The following PUS7 variants were observed in gnomAD, a reference collection of about 807,000 sequenced individuals.
The protein encoded by PUS7 is pseudouridylate synthase 7 homolog.
Under a neutral mutation model 79.8 loss-of-function variants are expected in PUS7, and 48 were observed. The observed-to-expected ratio is 0.60, with a 90% CI of 0.48 to 0.76. The LOEUF (loss-of-function observed/expected upper bound fraction) is 0.76. Among genes scored for constraint, PUS7 ranks in the 30% least tolerant of loss-of-function variants. PUS7 has a pLI of 0.00. For synonymous variants in PUS7, 286 were observed against 272.2 expected, an observed-to-expected ratio of 1.05 and a Z score of -0.50; for missense variants, 729 against 797.6, an observed-to-expected ratio of 0.91 and a Z score of 1.04.
chr7:105,517,110 A>G (rs2133296811), intron 1 of PUS7, among the ~76,000 whole-genome samples: 1 of 152,136 alleles, frequency 6.6e-6, no homozygotes, highest in East Asian at 1.9e-4. Context: ...ATGTTAAACC[A>G]GGAAGAGAAT....
rs1562813319 is a variant in PUS7 at position 105,501,972 on chromosome 7, AT to A, written c.730+447del. On this transcript the variant is annotated intron_variant, in intron 5 of 15. Transcript: ENST00000469408. ...TCCGTCTCAAAAAAAAAAAAAAAAT[AT>A]ATATATATATATATATATAGGGGCC... Among the ~76,000 whole-genome samples, 135 of 56,834 alleles carry A rather than the reference AT, an allele frequency of 2.4e-3. 1 individual carries two copies. The highest frequency in any genetic ancestry group is 0.011 in the Middle Eastern group (1 of 88). The allele number at this position is 56,834 out of a possible 152,430, so 37.3% of individuals were successfully genotyped here. A position where few individuals can be genotyped will look rare whatever the true frequency, so the allele number is the denominator to read the frequency against.
chr7:105,459,784 C>T (rs1283677131), intron 14 of PUS7, among the ~76,000 whole-genome samples: 1 of 151,992 alleles, frequency 6.6e-6, no homozygotes, highest in Admixed American at 6.6e-5. Context: ...TAAAAATGCA[C>T]AACTGGGGCC....
intron 7 of PUS7, among the ~76,000 whole-genome samples, chr7:105,488,788 T>C (rs1562803375): frequency 6.6e-6 from 1 of 152,110 alleles, no homozygotes; most frequent in East Asian, 1.9e-4. Flanking sequence ...ATGTTGTGAA[T>C]AAGGTGATCT....
At position 105,462,441 on chromosome 7, in the gene PUS7, C is replaced by CAA. The variant is rs201693364; in HGVS notation, c.1757+178_1757+179dup. The CAA allele has an allele frequency of 8.8e-3, 5,047 of 574,152 alleles. 79 individuals are homozygous for CAA. The East Asian group carries it at 0.11, about 12-fold the overall frequency. The allele number at this position is 574,152 out of a possible 1,614,324, so 35.6% of individuals were successfully genotyped here. A position where few individuals can be genotyped will look rare whatever the true frequency, so the allele number is the denominator to read the frequency against. Reference sequence around the variant, plus strand: ...GTGAAACTCCGTCTCAAAAAAAAACCAAAAAAAAAACAAAAGGTAAGTAAA... The same window carrying CAA: ...GTGAAACTCCGTCTCAAAAAAAAACCAAAAAAAAAAAACAAAAGGTAAGTAAA... On this transcript the variant is annotated intron_variant, in intron 14 of 15. Transcript: ENST00000469408.
intron 9 of PUS7, among the ~76,000 whole-genome samples, chr7:105,478,588 T>C (rs1187405532): frequency 6.6e-6 from 1 of 152,228 alleles, no homozygotes; most frequent in Non-Finnish European, 1.5e-5. Context: ...TGTGTGCTTA[T>C]TGGCCATTTG....
chr7:105,517,650 C>CA (rs1240638354), intron 1 of PUS7, among the ~76,000 whole-genome samples: 1 of 152,064 alleles, frequency 6.6e-6, no homozygotes, highest in Non-Finnish European at 1.5e-5. Flanking sequence ...CATGTAGTCC[C>CA]AGCTAACAGG....
chr7:105,499,484 T>C (rs890608958), intron 5 of PUS7, among the ~76,000 whole-genome samples: 22 of 152,174 alleles, frequency 1.4e-4, no homozygotes, highest in African/African-American at 5.3e-4. Flanking sequence ...CTTAGAAGCA[T>C]TTGGAATGTA....
intron 5 of PUS7, among the ~76,000 whole-genome samples, chr7:105,499,451 C>A (rs1373355739): frequency 6.6e-6 from 1 of 152,030 alleles, no homozygotes; most frequent in Non-Finnish European, 1.5e-5. Context: ...CTTTTTTTTA[C>A]ATAAGTCTTT....
chr7:105,487,151 G>T (rs1824584911), intron 7 of PUS7, among the ~76,000 whole-genome samples: 1 of 152,066 alleles, frequency 6.6e-6, no homozygotes, highest in South Asian at 2.1e-4. Context: ...GTGATTTTTA[G>T]TATATTCACA....
chr7:105,462,499 C>A, intron 14 of PUS7, 122 bp downstream of exon 14: 2 of 1,032,006 alleles, frequency 1.9e-6, no homozygotes, highest in Non-Finnish European at 2.8e-6. Context: ...ATACCACCAT[C>A]ATATAAGCAA....
chr7:105,496,220 T>TAGAGAG (rs1350234352), intron 5 of PUS7, among the ~76,000 whole-genome samples: 1,227 of 83,088 alleles, frequency 0.015, 10 homozygotes, highest in South Asian at 0.022. Context: ...TATATATATA[T>TAGAGAG]ATATATAGAG....
At chr7:105,493,782 G>C (rs1287290565) in intron 6 of PUS7, among the ~76,000 whole-genome samples, 2 of 152,178 alleles carry the variant, frequency 1.3e-5, no homozygotes, top group African/African-American at 2.4e-5. Context: ...GCGAGCCAAG[G>C]AGAGAGGCTT....
intron 9 of PUS7, among the ~76,000 whole-genome samples, chr7:105,475,540 T>C (rs113722205): frequency 2.0e-5 from 3 of 151,954 alleles, no homozygotes; most frequent in Non-Finnish European, 4.4e-5. Flanking sequence ...GCTAGGATGG[T>C]CTCGATCTCC....
Position 105,495,147 on chromosome 7 carries a change from G to C in PUS7, c.837C>G (p.Tyr279Ter). The C allele has an allele frequency of 6.4e-7, 1 of 1,567,040 alleles. No homozygotes were observed. Among genetic ancestry groups the C allele is most frequent in the Non-Finnish European group, 8.8e-7 (1 of 1,140,602 alleles). ...TMDAINVLSK[Y>*]LRVKPNIFSY... Reference sequence around the variant, plus strand: ...GCATAACAACAGTAACTCACCTTAAGTATTTGGAGAGTACATTAATAGCAT... The same window carrying C: ...GCATAACAACAGTAACTCACCTTAACTATTTGGAGAGTACATTAATAGCAT... Residue 279 changes from tyrosine to a stop codon, truncating the protein, a stop_gained, in exon 6 of 16, where the codon TAC becomes TAG. Transcript: ENST00000469408. LOFTEE classifies it high-confidence loss of function.
At chr7:105,477,408 C>G (rs1227686397) in intron 9 of PUS7, among the ~76,000 whole-genome samples, 1 of 151,988 alleles carries the variant, frequency 6.6e-6, no homozygotes, top group Non-Finnish European at 1.5e-5. Context: ...TGCCACCACA[C>G]TCAGATAATT....
intron 11 of PUS7, among the ~76,000 whole-genome samples, chr7:105,470,076 CGG>C (rs1823812242): frequency 6.6e-6 from 1 of 152,182 alleles, no homozygotes; most frequent in Non-Finnish European, 1.5e-5. Flanking sequence ...CATAATTCCA[CGG>C]TTAAAGAGAG....
intron 1 of PUS7, among the ~76,000 whole-genome samples, chr7:105,517,574 C>G (rs371588561): frequency 2.6e-5 from 4 of 152,060 alleles, no homozygotes; most frequent in Non-Finnish European, 5.9e-5. Context: ...ATTTTAAAAC[C>G]CTTTTCATTA....
intron 1 of PUS7, among the ~76,000 whole-genome samples, chr7:105,516,708 C>A (rs1825908896): frequency 7.6e-6 from 1 of 132,262 alleles, no homozygotes; most frequent in African/African-American, 3.3e-5. Flanking sequence ...TCCACCTCGA[C>A]CTCCCAAAGT....
intron 12 of PUS7, among the ~76,000 whole-genome samples, chr7:105,466,760 T>TAA (rs984452546): frequency 7.0e-6 from 1 of 142,742 alleles, no homozygotes. Context: ...AAAAAAAAGT[T>TAA]AAAAAAAAAA....
Sources: gnomAD v4.1 joint callset for allele counts (sites outside exome capture counted in the v4.1 genomes callset) on GRCh38, gnomAD v4.1.1 for gene constraint, MANE v1.5 for transcripts, NCBI Gene and HGNC (gene_info 2026-07-23, HGNC 2026-07-21) for gene names.